PJA2: variants seen among roughly 807,000 people sequenced by gnomAD.
PJA2 encodes praja ring finger ubiquitin ligase 2.
PJA2 carries 25 observed loss-of-function variants against 69.3 expected under a neutral mutation model. The ratio of observed to expected loss-of-function variants is 0.36; its 90% CI spans 0.26 to 0.50. PJA2 has a LOEUF of 0.50. Among genes scored for constraint, PJA2 ranks in the 20% least tolerant of loss-of-function variants. PJA2 has a pLI of 0.96. For synonymous variants in PJA2, 308 were observed against 277.8 expected (o/e 1.11, Z -1.08); for missense variants, 809 against 830.2 (o/e 0.97, Z 0.31).
At chr5:109,344,431 G>T in intron 8 of PJA2, 120 bp from the exon 9 acceptor site, 1 of 1,091,192 alleles carries the variant, frequency 9.2e-7, no homozygotes, top group Non-Finnish European at 1.3e-6. Context: ...TCTTTGACCA[G>T]TTAATTGGCA....
intron 1 of PJA2, among the ~76,000 whole-genome samples, chr5:109,394,456 G>C (rs779501757): frequency 1.3e-5 from 2 of 152,158 alleles, no homozygotes; most frequent in Non-Finnish European, 2.9e-5. Flanking sequence ...GCTTTAAATA[G>C]TCACTGGAAG....
intron 9 of PJA2, among the ~76,000 whole-genome samples, chr5:109,339,700 T>C (rs1762008281): frequency 6.6e-6 from 1 of 152,220 alleles, no homozygotes; most frequent in African/African-American, 2.4e-5. Flanking sequence ...GAAAAAGTCA[T>C]TTTCTACTGA....
At chr5:109,353,298 A>G (rs1248182571) in intron 7 of PJA2, among the ~76,000 whole-genome samples, 2 of 140,692 alleles carry the variant, frequency 1.4e-5, no homozygotes, top group African/African-American at 5.0e-5. Flanking sequence ...TATATATTAG[A>G]TATCTATAAT....
chr5:109,379,656 A>C (rs894631406), intron 3 of PJA2, among the ~76,000 whole-genome samples: 2 of 152,226 alleles, frequency 1.3e-5, no homozygotes, highest in Non-Finnish European at 2.9e-5. Context: ...GGTAAAAACA[A>C]CAACAAAACA....
intron 1 of PJA2, among the ~76,000 whole-genome samples, chr5:109,404,003 G>A (rs1018266949): frequency 2.0e-4 from 31 of 152,064 alleles, no homozygotes; most frequent in African/African-American, 7.2e-4. Context: ...CCCAGGAGGC[G>A]GAGGCTGTAG....
Position 109,378,866 on chromosome 5 carries a change from T to A in PJA2, c.621A>T (p.Arg207Ser). 6.2e-7 allele frequency: 1 copy of A among 1,614,078 alleles called. No individual in the cohort carries two copies. Among genetic ancestry groups the A allele is most frequent in the Non-Finnish European group, 8.5e-7 (1 of 1,180,034 alleles). ...LGNTVFELEN[R>S]EAEAYTGLSP... is the part of the protein sequence containing the mutation. ...AAAGACCAGTGTATGCCTCTGCCTC[T>A]CTGTTTTCCAACTCAAATACTGTAT... The change falls in exon 4 of 10, where the codon AGA becomes AGT. Residue 207 changes from arginine (R) to serine (S), a missense_variant. Physicochemically the swap from Arg to Ser is moderately radical, Grantham distance 110. This residue lies in a region of PJA2 where 700 missense variants were observed against 639.5 expected (regional missense o/e 1.09). Coordinates refer to ENST00000361189, the MANE Select transcript of PJA2 (RefSeq NM_014819.5).
intron 7 of PJA2, among the ~76,000 whole-genome samples, chr5:109,352,952 A>G (rs190249416): frequency 0.017 from 2,371 of 135,598 alleles, 91 homozygotes; most frequent in African/African-American, 0.065. Context: ...GATACCTATT[A>G]TATCTATAGA....
intron 6 of PJA2, among the ~76,000 whole-genome samples, chr5:109,359,026 T>G (rs993548709): frequency 5.3e-5 from 8 of 152,018 alleles, no homozygotes; most frequent in African/African-American, 1.9e-4. Flanking sequence ...AAACTCAGTT[T>G]TTTTTCCACC....
At chr5:109,401,151 G>A (rs976094409) in intron 1 of PJA2, among the ~76,000 whole-genome samples, 3 of 152,156 alleles carry the variant, frequency 2.0e-5, no homozygotes, top group Admixed American at 1.3e-4. Flanking sequence ...AGACGTAGTG[G>A]CGGGAGCCTG....
intron 4 of PJA2, among the ~76,000 whole-genome samples, chr5:109,370,205 C>T (rs1762653863): frequency 6.6e-6 from 1 of 152,088 alleles, no homozygotes; most frequent in Non-Finnish European, 1.5e-5. Flanking sequence ...CCCCTCCAAC[C>T]ATATCAACCA....
chr5:109,397,099 C>T (rs910181786), intron 1 of PJA2, among the ~76,000 whole-genome samples: 13 of 152,274 alleles, frequency 8.5e-5, no homozygotes, highest in African/African-American at 2.4e-4. Flanking sequence ...TAGCCCTTTT[C>T]GCTCTTTCAT....
chr5:109,367,143 A>AAAATATAT lies in PJA2; in HGVS notation c.1469+1417_1469+1418insATATATTT, dbSNP rs1252162401. Among the ~76,000 whole-genome samples, 190 of 143,184 alleles carry AAAATATAT rather than the reference A, an allele frequency of 1.3e-3. 2 individuals are homozygous for AAAATATAT. Among genetic ancestry groups the AAAATATAT allele is most frequent in the African/African-American group, 4.8e-3 (186 of 39,080 alleles). The allele number at this position is 143,184 out of a possible 152,430, so 93.9% of individuals were successfully genotyped here. On this transcript the variant is annotated intron_variant, in intron 5 of 9. Coordinates refer to ENST00000361189, the MANE Select transcript of PJA2 (RefSeq NM_014819.5). The stretch of plus-strand genomic sequence containing the variant: ...AGCAAGACTCCGTCTCAAAAAAAAA[A>AAAATATAT]ATATATATATATATATATATATCTA...
At chr5:109,368,954 A>T (rs1762628691) in intron 4 of PJA2, among the ~76,000 whole-genome samples, 1 of 151,966 alleles carries the variant, frequency 6.6e-6, no homozygotes, top group South Asian at 2.1e-4. Flanking sequence ...TCCCCTTGGT[A>T]CTGTTCTTGT....
At chr5:109,399,683 T>A (rs1231930971) in intron 1 of PJA2, among the ~76,000 whole-genome samples, 4 of 152,166 alleles carry the variant, frequency 2.6e-5, no homozygotes, top group African/African-American at 9.7e-5. Context: ...TCTACTGTTC[T>A]GCATATAAAG....
intron 1 of PJA2, among the ~76,000 whole-genome samples, chr5:109,404,379 G>A (rs1359377121): frequency 6.6e-6 from 1 of 151,924 alleles, no homozygotes; most frequent in Non-Finnish European, 1.5e-5. Flanking sequence ...AAATTAGCCA[G>A]GCATGGTGAC....
intron 5 of PJA2, 56 bp downstream of exon 5, chr5:109,368,505 A>G: frequency 2.8e-6 from 4 of 1,453,808 alleles, no homozygotes; most frequent in East Asian, 4.6e-5. Context: ...ATTTGAATGT[A>G]AAATATACCA....
chr5:109,399,037 C>A (rs1747482278), intron 1 of PJA2, among the ~76,000 whole-genome samples: 2 of 152,062 alleles, frequency 1.3e-5, no homozygotes, highest in African/African-American at 4.8e-5. Context: ...CATGGTGAAA[C>A]CCCATCTCTA....
intron 6 of PJA2, among the ~76,000 whole-genome samples, chr5:109,356,692 TTTC>T (rs1368213402): frequency 2.0e-5 from 3 of 152,208 alleles, no homozygotes; most frequent in South Asian, 2.1e-4. Flanking sequence ...TCACGGCTTT[TTTC>T]TTTTCTCATT....
intron 4 of PJA2, among the ~76,000 whole-genome samples, chr5:109,377,396 G>A (rs1054484129): frequency 6.6e-6 from 1 of 152,090 alleles, no homozygotes; most frequent in Non-Finnish European, 1.5e-5. Flanking sequence ...GGACACTGGG[G>A]TAATGGAAAT....
Sources: allele counts gnomAD v4.1 joint callset (sites outside exome capture counted in the v4.1 genomes callset), GRCh38; gene constraint gnomAD v4.1.1; regional missense constraint gnomAD v4.1.1; transcripts MANE v1.5; gene names NCBI Gene and HGNC (gene_info 2026-07-23, HGNC 2026-07-21).